Variants in RDH8 observed in about 807,000 individuals in gnomAD.
RDH8 encodes the protein retinol dehydrogenase 8.
A neutral mutation model predicts 22.3 loss-of-function variants in RDH8; 14 were observed. The observed-to-expected ratio is 0.63, with a 90% CI of 0.42 to 0.98. The LOEUF is 0.98. RDH8 is among the 50% of genes least tolerant of loss of function. The pLI, the probability that RDH8 is intolerant of heterozygous loss-of-function variation, is 0.00. For synonymous variants in RDH8, 175 were observed against 171.7 expected (o/e 1.02, Z -0.15); for missense variants, 389 against 409.8 (o/e 0.95, Z 0.44).
At position 10,020,775 on chromosome 19, in the gene RDH8, C is replaced by A; in HGVS notation, c.509C>A (p.Ala170Asp). The stretch of plus-strand genomic sequence containing the variant: ...CTGGAGGGATTCTTCGAAAGCCTCG[C>A]TATCCAGCTGCTGCAGTTCAACATC... ...FALEGFFESL[A>D]IQLLQFNIFI... The change falls in exon 4 of 6, where the codon GCT (alanine) becomes GAT (aspartate). Residue 170 changes from alanine (A) to aspartate (D), a missense_variant. Transcript: ENST00000591589. 1 of 1,610,218 alleles carries A rather than the reference C, an allele frequency of 6.2e-7. No homozygotes were observed. The highest frequency in any genetic ancestry group is 1.3e-5 in the African/African-American group (1 of 74,994).
rs745469395 is a variant in RDH8 at position 10,021,610 on chromosome 19, C to T, written c.797C>T (p.Thr266Met). 16 of 1,613,544 alleles carry T rather than the reference C, an allele frequency of 9.9e-6. No homozygotes were observed. Among genetic ancestry groups the T allele is most frequent in the African/African-American group, 1.3e-5 (1 of 74,920 alleles). Reference sequence around the variant, plus strand: ...AACATCCGCTACTCGCCGCTGACCACGCTCAAAACCGTGGATTCCTCTGGC... The same window carrying T: ...AACATCCGCTACTCGCCGCTGACCATGCTCAAAACCGTGGATTCCTCTGGC... ...QTNIRYSPLT[T>M]LKTVDSSGSL... The change falls in exon 6 of 6, where the codon ACG becomes ATG. Residue 266 changes from threonine (T) to methionine (M), a missense_variant. Coordinates refer to ENST00000591589, the MANE Select transcript of RDH8 (RefSeq NM_015725.4).
At chr19:10,014,143 AT>A (rs1335458379) in intron 1 of RDH8, among the ~76,000 whole-genome samples, 1 of 152,186 alleles carries the variant, frequency 6.6e-6, no homozygotes, top group African/African-American at 2.4e-5. Context: ...CACCTCTAGA[AT>A]AAATCCCTGG....
At chr19:10,013,727 C>A in intron 1 of RDH8, 127 bp downstream of exon 1, 3 of 868,238 alleles carry the variant, frequency 3.5e-6, no homozygotes, top group East Asian at 2.7e-5. Flanking sequence ...CTCCAGGAAT[C>A]ATCCCCTCAT....
Position 10,021,395 on chromosome 19 carries a change from A to G in RDH8, c.677A>G (p.Lys226Arg), listed in dbSNP as rs376362308. The change falls in exon 5 of 6, where the codon AAG becomes AGG. Residue 226 changes from lysine (K) to arginine (R), a missense_variant. By Grantham distance (26) the Lys-to-Arg change is conservative. Transcript: ENST00000591589. ...FRDLYLPASR[K>R]LFCSVGQNPQ... ...GACCTCTATCTCCCAGCCTCCAGGA[A>G]GCTGTTTTGCTCCGTGGGACAGAAC... The G allele has an allele frequency of 1.9e-6, 3 of 1,613,872 alleles. No individual in the cohort carries two copies. In the African/African-American group the frequency reaches 4.0e-5, roughly 22 times the overall value.
chr19:10,014,914 G>A (rs2145163836), intron 1 of RDH8, among the ~76,000 whole-genome samples: 1 of 152,262 alleles, frequency 6.6e-6, no homozygotes, highest in Non-Finnish European at 1.5e-5. Flanking sequence ...CTGCAAAGTA[G>A]CAGAGCTGGG....
Position 10,020,794 on chromosome 19 carries a change from C to T in RDH8, c.528C>T (p.Phe176=), listed in dbSNP as rs200764701. The T allele has an allele frequency of 1.2e-6, 2 of 1,607,872 alleles. No individual in the cohort carries two copies. The highest frequency in any genetic ancestry group is 2.2e-5 in the East Asian group (1 of 44,876). ...GCCTCGCTATCCAGCTGCTGCAGTT[C>T]AACATCTTGTGAGGCGGGCACGTGG... ...FESLAIQLLQ[F]NIFISLVEPG... is the part of the protein sequence containing the mutation. The change falls in exon 4 of 6, where the codon TTC becomes TTT. Residue 176 remains phenylalanine (F), a synonymous_variant. Transcript: ENST00000591589.
chr19:10,019,588 C>T (rs2087642965), intron 3 of RDH8, among the ~76,000 whole-genome samples: 1 of 152,024 alleles, frequency 6.6e-6, no homozygotes, highest in African/African-American at 2.4e-5. Context: ...TACCCAAGAT[C>T]AGGAGTTCAA....
At chr19:10,021,128 C>A (rs2087655004) in intron 4 of RDH8, 127 bp from the exon 5 acceptor site, 1 of 853,748 alleles carries the variant, frequency 1.2e-6, no homozygotes, top group Non-Finnish European at 1.8e-6. Context: ...CAGCTATGAT[C>A]ATGCCACTGC....
intron 1 of RDH8, among the ~76,000 whole-genome samples, chr19:10,014,486 C>T (rs2087594073): frequency 6.6e-6 from 1 of 152,146 alleles, no homozygotes; most frequent in African/African-American, 2.4e-5. Flanking sequence ...GTCATTTAAT[C>T]CTCACATCAC....
intron 3 of RDH8, among the ~76,000 whole-genome samples, chr19:10,019,918 A>G (rs2087645158): frequency 1.3e-5 from 2 of 152,138 alleles, no homozygotes; most frequent in Admixed American, 1.3e-4. Flanking sequence ...AGGCTGATGG[A>G]TCACTTGAGG....
At chr19:10,018,981 A>T in intron 3 of RDH8, 71 bp downstream of exon 3, 1 of 1,332,002 alleles carries the variant, frequency 7.5e-7, no homozygotes, top group Non-Finnish European at 1.0e-6. Flanking sequence ...AGGATGGCGA[A>T]TGGGTTTTAG....
chr19:10,017,670 C>T lies in RDH8; in HGVS notation c.262+455C>T, dbSNP rs149527005. ...CTCAAAAATAATTTTTTTTTTGAGA[C>T]GGAGTCTTGCTCTGCGCCCAGGCTG... is the stretch of plus-strand genomic sequence containing the variant. On this transcript the variant is annotated intron_variant, in intron 2 of 5. Transcript: ENST00000591589. Among the ~76,000 whole-genome samples the T allele has an allele frequency of 4.7e-3, 712 of 151,990 alleles. 7 individuals are homozygous for T. Among genetic ancestry groups the T allele is most frequent in the African/African-American group, 0.016 (681 of 41,456 alleles).
At chr19:10,020,655 A>C (rs572044477) in intron 3 of RDH8, 54 bp from the exon 4 acceptor site, 351 of 1,237,692 alleles carry the variant, frequency 2.8e-4, no homozygotes, top group Middle Eastern at 1.3e-3. Flanking sequence ...CCTGGAACCC[A>C]CAAAGCCCAC....
intron 1 of RDH8, among the ~76,000 whole-genome samples, chr19:10,014,090 G>A (rs962591728): frequency 5.3e-5 from 8 of 152,152 alleles, no homozygotes; most frequent in African/African-American, 1.9e-4. Context: ...TGACCTTGGG[G>A]GTTGAAGGGA....
rs780697875 is a variant in RDH8 at position 10,018,878 on chromosome 19, T to A, written c.410T>A (p.Ile137Asn). The A allele has an allele frequency of 3.1e-6, 5 of 1,613,172 alleles. No individual in the cohort carries two copies. The South Asian group carries it at 5.5e-5, about 18-fold the overall frequency. ...ATGAAGAGGAGGCGGCAGGGCCACATCGTGGTGATCAGCAGTGTCATGGGC... is the reference window on the plus strand; with the variant it reads ...ATGAAGAGGAGGCGGCAGGGCCACAACGTGGTGATCAGCAGTGTCATGGGC... ...PGMKRRRQGHIVVISSVMGLQ... is the reference protein window; with the variant it reads ...PGMKRRRQGHNVVISSVMGLQ... The change falls in exon 3 of 6, where the codon ATC becomes AAC. Residue 137 changes from isoleucine to asparagine, a missense_variant. By Grantham distance (149) the Ile-to-Asn change is moderately radical. Transcript: ENST00000591589.
At chr19:10,017,492 C>T (rs2087627997) in intron 2 of RDH8, among the ~76,000 whole-genome samples, 1 of 152,022 alleles carries the variant, frequency 6.6e-6, no homozygotes, top group Non-Finnish European at 1.5e-5. Flanking sequence ...GACTCTGACT[C>T]TACAAAAAAA....
At chr19:10,019,635 C>T (rs889379057) in intron 3 of RDH8, among the ~76,000 whole-genome samples, 1 of 151,774 alleles carries the variant, frequency 6.6e-6, no homozygotes, top group Admixed American at 6.6e-5. Flanking sequence ...CCCATCTCTA[C>T]TAAAAATACA....
At chr19:10,014,330 G>C (rs1002131807) in intron 1 of RDH8, among the ~76,000 whole-genome samples, 1 of 152,184 alleles carries the variant, frequency 6.6e-6, no homozygotes, top group East Asian at 1.9e-4. Flanking sequence ...ACACAGCTTT[G>C]AGCATGACAG....
rs565528126 is a variant in RDH8 at position 10,013,849 on chromosome 19, A to T, written c.103+249A>T. Among the ~76,000 whole-genome samples the T allele has an allele frequency of 8.5e-5, 13 of 152,082 alleles. No homozygotes were observed. The South Asian group carries it at 2.3e-3, about 27-fold the overall frequency. On this transcript the variant is annotated intron_variant, in intron 1 of 5. Coordinates refer to ENST00000591589, the MANE Select transcript of RDH8 (RefSeq NM_015725.4). ...AGGACGGGTGTCATGTGGGGAGGAGAGGGAGAATGGGTGATAAACAGATAA... is the reference window on the plus strand; with the variant it reads ...AGGACGGGTGTCATGTGGGGAGGAGTGGGAGAATGGGTGATAAACAGATAA...
Sources: allele counts gnomAD v4.1 joint callset (sites outside exome capture counted in the v4.1 genomes callset), GRCh38; gene constraint gnomAD v4.1.1; transcripts MANE v1.5; gene names NCBI Gene and HGNC (gene_info 2026-07-23, HGNC 2026-07-21).